Variants in GRM7 observed in about 807,000 individuals in gnomAD.
GRM7 encodes the protein glutamate metabotropic receptor 7.
GRM7 carries 35 observed loss-of-function variants against 84.5 expected under a neutral mutation model. That is an observed-to-expected ratio of 0.41 (90% CI 0.32 to 0.55). GRM7 has a LOEUF of 0.55. Among genes scored for constraint, GRM7 ranks in the 20% least tolerant of loss-of-function variants. GRM7 has a pLI of 0.19. For missense variants in GRM7, 1,003 were observed against 1,194.6 expected, an observed-to-expected ratio of 0.84 and a Z score of 2.36; for synonymous variants, 487 against 455.1, an observed-to-expected ratio of 1.07 and a Z score of -0.89.
Position 7,414,693 on chromosome 3 carries a change from A to G in GRM7, c.1034-330A>G, listed in dbSNP as rs1490309444. Among the ~76,000 whole-genome samples, 4 of 152,130 alleles carry G rather than the reference A, an allele frequency of 2.6e-5. No homozygotes were observed. In the East Asian group the frequency reaches 7.7e-4, roughly 29 times the overall value. On this transcript the variant is annotated intron_variant, in intron 4 of 9. Coordinates refer to ENST00000357716, the MANE Select transcript of GRM7 (RefSeq NM_000844.4). ...AAAGGAGGTTCTTAAAATAATATTC[A>G]TGGATCAGGAGCTGACATGGTTAGG...
chr3:7,397,652 C>T (rs1695266104), intron 4 of GRM7, among the ~76,000 whole-genome samples: 1 of 152,138 alleles, frequency 6.6e-6, no homozygotes, highest in African/African-American at 2.4e-5. Context: ...GCCCATATCA[C>T]ATCACATGTA....
At chr3:7,735,180 G>C (rs1702462989) in intron 9 of GRM7, among the ~76,000 whole-genome samples, 1 of 152,188 alleles carries the variant, frequency 6.6e-6, no homozygotes, top group Non-Finnish European at 1.5e-5. Context: ...GGCAGAGTTG[G>C]TGGGGGAAGA....
chr3:7,309,310 A>G (rs1427075554), intron 4 of GRM7, among the ~76,000 whole-genome samples: 1 of 144,618 alleles, frequency 6.9e-6, no homozygotes, highest in African/African-American at 2.8e-5. Flanking sequence ...GAAATAATCT[A>G]AGATAAAACT....
intron 4 of GRM7, among the ~76,000 whole-genome samples, chr3:7,387,312 T>C (rs551764079): frequency 6.6e-6 from 1 of 152,208 alleles, no homozygotes; most frequent in Non-Finnish European, 1.5e-5. Flanking sequence ...ATTTGTCTAT[T>C]TTTAAATTTT....
intron 7 of GRM7, among the ~76,000 whole-genome samples, chr3:7,501,942 G>A (rs1348352409): frequency 1.3e-5 from 2 of 152,104 alleles, no homozygotes; most frequent in Admixed American, 6.6e-5. Flanking sequence ...TCTATCCTAC[G>A]CAAGAATTTA....
chr3:7,109,405 G>A (rs1692766194), intron 1 of GRM7, among the ~76,000 whole-genome samples: 1 of 152,156 alleles, frequency 6.6e-6, no homozygotes, highest in Non-Finnish European at 1.5e-5. Flanking sequence ...TCTGACAAAT[G>A]TTTTGTGCTC....
At chr3:7,442,162 C>T (rs1697315343) in intron 5 of GRM7, among the ~76,000 whole-genome samples, 1 of 151,990 alleles carries the variant, frequency 6.6e-6, no homozygotes, top group Non-Finnish European at 1.5e-5. Flanking sequence ...TTTCTTTCAG[C>T]AGTGTTTTGT....
chr3:7,338,665 T>A (rs1000253827), intron 4 of GRM7, among the ~76,000 whole-genome samples: 1 of 152,094 alleles, frequency 6.6e-6, no homozygotes, highest in Admixed American at 6.6e-5. Flanking sequence ...ATGGATGCTC[T>A]GTGAAAATGT....
intron 9 of GRM7, chr3:7,686,283 AAATAAT>A (rs757385440): frequency 4.1e-5 from 29 of 702,826 alleles, no homozygotes; most frequent in Admixed American, 3.8e-4. Context: ...CCCAAAAGGA[AAATAAT>A]AATAATAAAA....
intron 4 of GRM7, among the ~76,000 whole-genome samples, chr3:7,320,709 T>TGTGTGTGTGTGTGC (rs1462522287): frequency 2.0e-5 from 3 of 151,326 alleles, no homozygotes; most frequent in African/African-American, 7.3e-5. Flanking sequence ...TGTGTGTGTG[T>TGTGTGTGTGTGTGC]GTGTGTGTGT....
chr3:7,126,148 G>T (rs1305560465), intron 1 of GRM7, among the ~76,000 whole-genome samples: 3 of 152,184 alleles, frequency 2.0e-5, no homozygotes, highest in African/African-American at 7.2e-5. Flanking sequence ...GTAAAGATGG[G>T]CTATTTGGGA....
intron 1 of GRM7, among the ~76,000 whole-genome samples, chr3:6,865,325 T>C (rs1266182354): frequency 6.6e-6 from 1 of 152,182 alleles, no homozygotes; most frequent in Non-Finnish European, 1.5e-5. Flanking sequence ...AATGGATAAA[T>C]CTCCTCTGAC....
intron 5 of GRM7, among the ~76,000 whole-genome samples, chr3:7,426,029 G>T (rs148313650): frequency 8.7e-4 from 133 of 152,196 alleles, no homozygotes; most frequent in Non-Finnish European, 1.5e-3. Context: ...AGTATAGATT[G>T]GTGCTATTTT....
intron 7 of GRM7, among the ~76,000 whole-genome samples, chr3:7,566,093 T>C (rs958722930): frequency 5.1e-5 from 7 of 136,620 alleles, no homozygotes; most frequent in African/African-American, 1.6e-4. Flanking sequence ...TCTTTGGCTC[T>C]GAATCAGCTG....
chr3:7,397,034 C>G (rs1695239730), intron 4 of GRM7, among the ~76,000 whole-genome samples: 1 of 151,952 alleles, frequency 6.6e-6, no homozygotes, highest in African/African-American at 2.4e-5. Flanking sequence ...TTCCATTTTC[C>G]TACTACTCAC....
chr3:7,619,677 G>A (rs377704167), intron 8 of GRM7, among the ~76,000 whole-genome samples: 80 of 152,194 alleles, frequency 5.3e-4, no homozygotes, highest in African/African-American at 1.8e-3. Context: ...TTTGAAGGAA[G>A]CAAATCTACT....
chr3:7,017,170 G>A (rs1695595449), intron 1 of GRM7, among the ~76,000 whole-genome samples: 1 of 152,124 alleles, frequency 6.6e-6, no homozygotes, highest in Non-Finnish European at 1.5e-5. Context: ...CCATGTGAAA[G>A]CTATGCACAT....
intron 2 of GRM7, among the ~76,000 whole-genome samples, chr3:7,276,201 A>ATGTGTGTG (rs761570108): frequency 2.3e-4 from 31 of 134,204 alleles, no homozygotes; most frequent in South Asian, 4.9e-4. Context: ...TTATATATAT[A>ATGTGTGTG]TATATATGTG....
chr3:7,515,288 C>G (rs933036781), intron 7 of GRM7, among the ~76,000 whole-genome samples: 10 of 151,652 alleles, frequency 6.6e-5, no homozygotes, highest in Admixed American at 5.3e-4. Context: ...ACGTTTTGAG[C>G]CTGATAGTTT....
Sources: gnomAD v4.1 joint callset for allele counts (sites outside exome capture counted in the v4.1 genomes callset) on GRCh38, gnomAD v4.1.1 for gene constraint, MANE v1.5 for transcripts, NCBI Gene and HGNC (gene_info 2026-07-23, HGNC 2026-07-21) for gene names.